The following SIN3A variants were observed in gnomAD, a reference collection of about 807,000 sequenced individuals.
SIN3A encodes the protein paired amphipathic helix protein Sin3a.
A neutral mutation model predicts 146.1 loss-of-function variants in SIN3A; 14 were observed. That is an observed-to-expected ratio of 0.10 (90% confidence interval 0.06 to 0.15). The LOEUF is 0.15. Among genes scored for constraint, SIN3A ranks in the 10% least tolerant of loss-of-function variants. SIN3A has a pLI of 1.00. For missense variants in SIN3A, 1,028 were observed against 1,576.0 expected (o/e 0.65, Z 5.89); for synonymous variants, 572 against 572.0 (o/e 1.00, Z 0.00).
chr15:75,400,762 T>G lies in SIN3A; in HGVS notation c.1705A>C (p.Lys569Gln). 1 of 1,614,024 alleles carries G rather than the reference T, an allele frequency of 6.2e-7. No individual in the cohort carries two copies. The highest frequency in any genetic ancestry group is 8.5e-7 in the Non-Finnish European group (1 of 1,180,018). Residue 569 changes from lysine to glutamine, a missense_variant, in exon 11 of 21, where the codon AAG (lysine) becomes CAG (glutamine). Physicochemically the swap from Lys to Gln is moderately conservative, Grantham distance 53 (BLOSUM62 1). Around this residue, in one of 9 missense-constraint regions of SIN3A, gnomAD observed 157 missense variants for 284.8 expected, o/e 0.55. Transcript: ENST00000394947. ...CAGAGAGGAGTCCGTCCTGTACACT[T>G]GGGCTGCTGGTAACTCTTTGGTAAG... ...RALPKSYQQP[K>Q]CTGRTPLCKE...
chr15:75,425,241 G>A (rs2073905562), intron 2 of SIN3A, among the ~76,000 whole-genome samples: 3 of 152,178 alleles, frequency 2.0e-5, no homozygotes, highest in Non-Finnish European at 4.4e-5. Context: ...CACAATTTCG[G>A]CTCACTGCAA....
intron 10 of SIN3A, among the ~76,000 whole-genome samples, chr15:75,401,224 G>A (rs939653416): frequency 3.0e-4 from 46 of 152,254 alleles, no homozygotes; most frequent in African/African-American, 9.9e-4. Context: ...TTCTTAGGTT[G>A]TCAAATATAG....
At chr15:75,437,796 GA>G (rs980822249) in intron 1 of SIN3A, among the ~76,000 whole-genome samples, 29 of 150,404 alleles carry the variant, frequency 1.9e-4, no homozygotes, top group East Asian at 1.8e-3. Context: ...ATTATAAAAA[GA>G]AAAAAAAAGC....
intron 1 of SIN3A, among the ~76,000 whole-genome samples, chr15:75,441,292 A>T (rs1449036143): frequency 6.6e-6 from 1 of 152,152 alleles, no homozygotes; most frequent in Non-Finnish European, 1.5e-5. Flanking sequence ...CAACAGAGCC[A>T]GACTCCGTCT....
chr15:75,373,567 T>C (rs1355298762), intron 20 of SIN3A, among the ~76,000 whole-genome samples: 1 of 152,140 alleles, frequency 6.6e-6, no homozygotes, highest in Non-Finnish European at 1.5e-5. Flanking sequence ...GTATCTTCTC[T>C]TGCTTATGAC....
At chr15:75,451,843 A>T (rs985287099), upstream of SIN3A, 1 of 150,956 alleles carries the variant, frequency 6.6e-6, no homozygotes, top group Non-Finnish European at 1.5e-5. Flanking sequence ...CTCGACTGGT[A>T]GGGGAGGGGG....
chr15:75,417,266 T>A (rs548707582), intron 3 of SIN3A, among the ~76,000 whole-genome samples: 6 of 152,302 alleles, frequency 3.9e-5, no homozygotes, highest in African/African-American at 1.4e-4. Context: ...TGAGATACGT[T>A]AAGTTTTATT....
intron 3 of SIN3A, chr15:75,421,271 C>A (rs1199369102): frequency 6.6e-5 from 10 of 152,154 alleles, no homozygotes; most frequent in Non-Finnish European, 8.8e-5. Flanking sequence ...TGGTACACAG[C>A]CATCACTCTA....
chr15:75,454,060 C>T (rs901833502), upstream of SIN3A: 1 of 152,226 alleles, frequency 6.6e-6, no homozygotes, highest in East Asian at 1.9e-4. Context: ...CCTCCCAGCT[C>T]TCTCCGCCGG....
intron 1 of SIN3A, among the ~76,000 whole-genome samples, chr15:75,449,750 C>T (rs1196678510): frequency 1.3e-5 from 2 of 152,216 alleles, no homozygotes; most frequent in African/African-American, 4.8e-5. Context: ...CCTATAGTTA[C>T]CTAAATAGCA....
intron 16 of SIN3A, among the ~76,000 whole-genome samples, chr15:75,386,614 A>G (rs1402415856): frequency 6.6e-6 from 1 of 152,212 alleles, no homozygotes; most frequent in Non-Finnish European, 1.5e-5. Flanking sequence ...CAGAGGCTGG[A>G]GGAGCCTGGA....
At chr15:75,389,570 T>C in intron 16 of SIN3A, 82 bp downstream of exon 16, 1 of 1,366,490 alleles carries the variant, frequency 7.3e-7, no homozygotes, top group Non-Finnish European at 1.0e-6. Flanking sequence ...TATGAAAAAG[T>C]TGCCTTTCCT....
rs370053700 is a variant in SIN3A at position 75,412,006 on chromosome 15, T to C, written c.757-263A>G. ...ATCTCCAATTACAGGGAAGAATTTT[T>C]CATATGCAATGTTTTAGCTTAGTAG... On this transcript the variant is annotated intron_variant, in intron 5 of 20. Transcript: ENST00000394947. 9.8e-4 allele frequency among the ~76,000 whole-genome samples: 150 copies of C among 152,334 alleles called. 3 individuals carry two copies. The South Asian group carries it at 0.015, about 15-fold the overall frequency.
At chr15:75,427,408 G>A (rs112242655) in intron 2 of SIN3A, among the ~76,000 whole-genome samples, 246 of 151,470 alleles carry the variant, frequency 1.6e-3, no homozygotes, top group African/African-American at 5.8e-3. Context: ...AGTGGCTCAC[G>A]CCTGTAATCC....
chr15:75,422,465 G>A, intron 3 of SIN3A, 182 bp downstream of exon 3: 4 of 682,406 alleles, frequency 5.9e-6, no homozygotes, highest in South Asian at 5.1e-5. Context: ...TTCTTCTCTG[G>A]ATCAGGCACT....
At chr15:75,430,456 A>G (rs1319755456) in intron 1 of SIN3A, 48 bp from the exon 2 acceptor site, 6 of 1,411,942 alleles carry the variant, frequency 4.2e-6, no homozygotes, top group Middle Eastern at 2.6e-4. Context: ...TCACTCCAGT[A>G]TGATGTACGC....
chr15:75,387,281 T>C (rs959891416), intron 16 of SIN3A, among the ~76,000 whole-genome samples: 1 of 152,010 alleles, frequency 6.6e-6, no homozygotes, highest in Non-Finnish European at 1.5e-5. Context: ...TCGCAGCGCT[T>C]TGGGAGGCTG....
rs898790933 is a variant in SIN3A, at chr15:75,371,290, A to G, written c.*689T>C. ...GGTAGACTAGTAAAGAGGCAGATAC[A>G]AAACAGTTCCACGGGAGCTAAAAAG... On this transcript the variant is annotated 3_prime_UTR_variant, in exon 21 of 21. Coordinates refer to ENST00000394947, the MANE Select transcript of SIN3A (RefSeq NM_001145358.2). 1 of 152,650 alleles carries G rather than the reference A, an allele frequency of 6.6e-6. No homozygotes were observed. The highest frequency in any genetic ancestry group is 1.5e-5 in the Non-Finnish European group (1 of 68,058). The allele number at this position is 152,650 out of a possible 1,614,324, so 9.5% of individuals were successfully genotyped here.
At chr15:75,396,533 CA>C in intron 12 of SIN3A, 37 bp from the exon 13 acceptor site, 2 of 1,434,414 alleles carry the variant, frequency 1.4e-6, no homozygotes, top group South Asian at 1.2e-5. Flanking sequence ...GCTCAGGACC[CA>C]AATCAAAATA....
Sources: allele counts gnomAD v4.1 joint callset (sites outside exome capture counted in the v4.1 genomes callset), GRCh38; gene constraint gnomAD v4.1.1; regional missense constraint gnomAD v4.1.1; transcripts MANE v1.5; gene names NCBI Gene and HGNC (gene_info 2026-07-23, HGNC 2026-07-21).